Variants in AHCYL2 observed in about 807,000 individuals in gnomAD.
AHCYL2 encodes adenosylhomocysteinase like 2.
In AHCYL2, 28 loss-of-function variants were observed where a neutral mutation model predicts 81.4. That is an observed-to-expected ratio of 0.34 (90% CI 0.25 to 0.47). The LOEUF is 0.47. Ranked by LOEUF, AHCYL2 falls within the 20% of genes least tolerant of loss-of-function variation. AHCYL2 has a pLI of 1.00. For missense variants in AHCYL2, 551 were observed against 785.1 expected, an observed-to-expected ratio of 0.70 and a Z score of 3.56; for synonymous variants, 272 against 290.2, an observed-to-expected ratio of 0.94 and a Z score of 0.64.
At position 129,225,426 on chromosome 7, in the gene AHCYL2, GCA is replaced by G; in HGVS notation, c.353_354del (p.Thr118SerfsTer9). 6.6e-7 allele frequency: 1 copy of G among 1,514,808 alleles called. No homozygotes were observed. The highest frequency in any genetic ancestry group is 8.8e-7 in the Non-Finnish European group (1 of 1,137,152). The allele number at this position is 1,514,808 out of a possible 1,614,324, so 93.8% of individuals were successfully genotyped here. On this transcript the variant is annotated frameshift_variant, in exon 1 of 17. Transcript: ENST00000325006. LOFTEE classifies it high-confidence loss of function. ...GACGGCACCGTCACCGAGGCGCCGC[GCA>G]CAGTCAAGAAGGTACTGGGGCCGGG...
intron 1 of AHCYL2, among the ~76,000 whole-genome samples, chr7:129,243,961 A>G (rs922368077): frequency 1.3e-5 from 2 of 148,678 alleles, no homozygotes; most frequent in African/African-American, 4.9e-5. Context: ...ATCTTATTTT[A>G]TTTTATTTTA....
chr7:129,374,802 C>T (rs374184476), intron 1 of AHCYL2, among the ~76,000 whole-genome samples: 4 of 133,390 alleles, frequency 3.0e-5, no homozygotes, highest in African/African-American at 1.2e-4. Context: ...AGCAAAACTC[C>T]ATCTCAAAAA....
intron 1 of AHCYL2, among the ~76,000 whole-genome samples, chr7:129,234,759 G>C (rs1333938951): frequency 6.6e-6 from 1 of 152,130 alleles, no homozygotes; most frequent in Non-Finnish European, 1.5e-5. Flanking sequence ...CCCTCCCAAA[G>C]TGCTGGGATT....
Position 129,422,836 on chromosome 7 carries a change from C to A in AHCYL2, c.1462-4C>A, listed in dbSNP as rs1314858603. 2 of 1,613,736 alleles carry A rather than the reference C, an allele frequency of 1.2e-6. No homozygotes were observed. The highest frequency in any genetic ancestry group is 2.2e-5 in the South Asian group (2 of 91,036). On this transcript the variant is annotated splice_region_variant and splice_polypyrimidine_tract_variant and intron_variant, in intron 12 of 16. Coordinates refer to ENST00000325006, the MANE Select transcript of AHCYL2 (RefSeq NM_015328.4). ...TAATGCTGTACTTGCTGTATGTGTTCCAGGCGAGTCTGCGGACACCAGAAC... is the reference window on the plus strand; with the variant it reads ...TAATGCTGTACTTGCTGTATGTGTTACAGGCGAGTCTGCGGACACCAGAAC...
intron 1 of AHCYL2, among the ~76,000 whole-genome samples, chr7:129,355,241 ACTGTGTAAAATTGTC>A (rs745494261): frequency 3.2e-3 from 264 of 82,136 alleles, no homozygotes; most frequent in Non-Finnish European, 5.1e-3. Context: ...TAGTGATTGC[ACTGTGTAAAATTGTC>A]CCCAGGTGTC....
intron 12 of AHCYL2, among the ~76,000 whole-genome samples, chr7:129,420,921 T>A (rs1797087510): frequency 6.6e-6 from 1 of 152,154 alleles, no homozygotes; most frequent in South Asian, 2.1e-4. Flanking sequence ...GCAAAAAACT[T>A]CCATAATTGA....
rs1797355140 is a variant in AHCYL2 at position 129,426,148 on chromosome 7, T to G, written c.1709-295T>G. On this transcript the variant is annotated intron_variant, in intron 15 of 16. Transcript: ENST00000325006. This position sits in a 1 kb window ranked among gnomAD's most constrained non-coding sequence, Gnocchi z 4.3. ...TTTAGTTCCCACATTATCCTATTCC[T>G]TCTTTTAAATCTTAATGCCTGTTGT... Among the ~76,000 whole-genome samples, 1 of 152,252 alleles carries G rather than the reference T, an allele frequency of 6.6e-6. No individual in the cohort carries two copies. The highest frequency in any genetic ancestry group is 6.5e-5 in the Admixed American group (1 of 15,290).
At chr7:129,304,084 T>C (rs1241211917) in intron 1 of AHCYL2, among the ~76,000 whole-genome samples, 2 of 152,030 alleles carry the variant, frequency 1.3e-5, no homozygotes, top group African/African-American at 4.8e-5. Flanking sequence ...AATAAATAAA[T>C]AAACAAACAA....
At chr7:129,405,944 G>A (rs1197655929) in intron 9 of AHCYL2, 45 bp downstream of exon 9, 1 of 1,582,176 alleles carries the variant, frequency 6.3e-7, no homozygotes, top group Non-Finnish European at 8.6e-7. Context: ...AATGGATTTT[G>A]TTGAAATATT....
intron 1 of AHCYL2, among the ~76,000 whole-genome samples, chr7:129,361,613 ATAGT>A (rs1342074814): frequency 1.3e-5 from 2 of 152,128 alleles, no homozygotes; most frequent in African/African-American, 4.8e-5. Flanking sequence ...ATTAACAATA[ATAGT>A]TATTTTATGT....
chr7:129,247,361 CT>C (rs1180006815), intron 1 of AHCYL2, among the ~76,000 whole-genome samples: 1 of 152,098 alleles, frequency 6.6e-6, no homozygotes, highest in Non-Finnish European at 1.5e-5. Flanking sequence ...ATTTGTATAT[CT>C]TTTTTGCTAA....
intron 1 of AHCYL2, among the ~76,000 whole-genome samples, chr7:129,312,281 T>A (rs1797685599): frequency 6.6e-6 from 1 of 152,236 alleles, no homozygotes. Context: ...ATACAGGGTC[T>A]CCCTGTGTTG....
At chr7:129,258,541 A>C (rs999688131) in intron 1 of AHCYL2, among the ~76,000 whole-genome samples, 1 of 132,436 alleles carries the variant, frequency 7.6e-6, no homozygotes, top group African/African-American at 2.8e-5. Flanking sequence ...TATAAAATTT[A>C]TGTTATTTAT....
chr7:129,273,876 A>C (rs746626059), intron 1 of AHCYL2, among the ~76,000 whole-genome samples: 7 of 152,236 alleles, frequency 4.6e-5, no homozygotes, highest in African/African-American at 1.7e-4. Flanking sequence ...AAGAAATCAT[A>C]ATAATAAAAG....
chr7:129,378,261 G>A (rs1027815745), intron 1 of AHCYL2, among the ~76,000 whole-genome samples: 8 of 151,412 alleles, frequency 5.3e-5, no homozygotes, highest in Admixed American at 3.9e-4. Flanking sequence ...GCAGTGAGCC[G>A]AGATCAAGCC....
At chr7:129,401,347 C>CCCA (rs1563236175) in intron 6 of AHCYL2, among the ~76,000 whole-genome samples, 5 of 150,824 alleles carry the variant, frequency 3.3e-5, no homozygotes, top group African/African-American at 7.3e-5. Flanking sequence ...GTGCCCCCCC[C>CCCA]CAAAAAAGCT....
At chr7:129,322,195 A>T (rs957291423) in intron 1 of AHCYL2, among the ~76,000 whole-genome samples, 7 of 151,044 alleles carry the variant, frequency 4.6e-5, no homozygotes, top group Non-Finnish European at 8.8e-5. Context: ...GCTGGAGTCC[A>T]GTGGCGTGAT....
intron 1 of AHCYL2, among the ~76,000 whole-genome samples, chr7:129,273,738 CTTCTAGGGATCT>C (rs1275146817): frequency 6.6e-6 from 1 of 152,108 alleles, no homozygotes; most frequent in African/African-American, 2.4e-5. Context: ...AACAATAGGG[CTTCTAGGGATCT>C]TAAGTGTGTT....
At chr7:129,247,280 A>G (rs1036240657) in intron 1 of AHCYL2, among the ~76,000 whole-genome samples, 2 of 152,218 alleles carry the variant, frequency 1.3e-5, no homozygotes, top group Non-Finnish European at 2.9e-5. Flanking sequence ...GCAGTTGTAT[A>G]GTGCTATGTC....
Sources: gnomAD v4.1 joint callset for allele counts (sites outside exome capture counted in the v4.1 genomes callset) on GRCh38, gnomAD v4.1.1 for gene constraint, Gnocchi (gnomAD v3.1) non-coding constraint, MANE v1.5 for transcripts, NCBI Gene and HGNC (gene_info 2026-07-23, HGNC 2026-07-21) for gene names.